The following SHQ1 variants were observed in gnomAD, a reference collection of about 807,000 sequenced individuals.
SHQ1 encodes the protein SHQ1, H/ACA ribonucleoprotein assembly factor, also known as protein SHQ1 homolog.
In SHQ1, 49 loss-of-function variants were observed where a neutral mutation model predicts 53.8. That is an observed-to-expected ratio of 0.91 (90% confidence interval 0.72 to 1.16). The LOEUF (loss-of-function observed/expected upper bound fraction) is 1.16, where lower values mean the gene tolerates loss of function less well. Ranked by LOEUF, SHQ1 falls within the 50% of genes most tolerant of loss-of-function variation. SHQ1 has a pLI of 0.00. For synonymous variants in SHQ1, 243 were observed against 251.0 expected (o/e 0.97, Z 0.30); for missense variants, 738 against 683.1 (o/e 1.08, Z -0.90).
chr3:72,782,918 G>C (rs185120478), intron 10 of SHQ1, among the ~76,000 whole-genome samples: 4 of 152,328 alleles, frequency 2.6e-5, no homozygotes, highest in Middle Eastern at 6.8e-3. Flanking sequence ...ACGTGAAGTA[G>C]AGAATACTGG....
chr3:72,773,205 A>C, intron 10 of SHQ1: 2 of 723,850 alleles, frequency 2.8e-6, no homozygotes, highest in East Asian at 5.1e-5. Flanking sequence ...CAAGTAGAAC[A>C]CTACAGAGAT....
intron 10 of SHQ1, among the ~76,000 whole-genome samples, chr3:72,778,578 AAAT>A (rs1706007258): frequency 6.6e-6 from 1 of 152,230 alleles, no homozygotes; most frequent in Non-Finnish European, 1.5e-5. Flanking sequence ...TATACACTTC[AAAT>A]ATTATTGTAT....
At chr3:72,739,842 G>A in the SHQ1 span, among the ~76,000 whole-genome samples, 1 of 152,250 alleles carries the variant, frequency 6.6e-6, no homozygotes, top group Non-Finnish European at 1.5e-5. Flanking sequence ...CCACAGTGCA[G>A]TGTAAGCTTA....
intron 8 of SHQ1, among the ~76,000 whole-genome samples, chr3:72,813,488 G>A (rs1352962889): frequency 2.8e-5 from 4 of 142,826 alleles, no homozygotes; most frequent in African/African-American, 7.9e-5. Context: ...AAAAAAGGCC[G>A]GGTGCGGTGG....
rs35278618 is a variant in SHQ1 at position 72,763,022 on chromosome 3, T to TACAC, written c.1182-12190_1182-12187dup. ...TCACCTTTATTATGCCATCTTGTTT[T>TACAC]ACACACACACACACACACACACACA... On this transcript the variant is annotated intron_variant, in intron 10 of 10. Transcript: ENST00000325599. Among the ~76,000 whole-genome samples, 548 of 132,720 alleles carry TACAC rather than the reference T, an allele frequency of 4.1e-3. 3 individuals carry two copies. Among genetic ancestry groups the TACAC allele is most frequent in the Middle Eastern group, 7.1e-3 (2 of 280 alleles). The allele number at this position is 132,720 out of a possible 152,430, so 87.1% of individuals were successfully genotyped here.
At chr3:72,806,170 GA>G (rs1706937766) in intron 9 of SHQ1, among the ~76,000 whole-genome samples, 1 of 152,192 alleles carries the variant, frequency 6.6e-6, no homozygotes, top group Non-Finnish European at 1.5e-5. Flanking sequence ...GTACTCCAAG[GA>G]AGAGACAAGA....
chr3:72,751,511 T>C lies in SHQ1; in HGVS notation c.1182-675A>G, dbSNP rs1032707755. ...GTGTGTGTGTGTGTGTGTGTGTGTATATATATATATATATATATACATATA... is the reference window on the plus strand; with the variant it reads ...GTGTGTGTGTGTGTGTGTGTGTGTACATATATATATATATATATACATATA... On this transcript the variant is annotated intron_variant, in intron 10 of 10. Coordinates refer to ENST00000325599, the MANE Select transcript of SHQ1 (RefSeq NM_018130.3). Among the ~76,000 whole-genome samples, 328 of 114,428 alleles carry C rather than the reference T, an allele frequency of 2.9e-3. 1 individual carries two copies. Among genetic ancestry groups the C allele is most frequent in the Middle Eastern group, 4.1e-3 (1 of 242 alleles). The allele number at this position is 114,428 out of a possible 152,430, so 75.1% of individuals were successfully genotyped here. A position where few individuals can be genotyped will look rare whatever the true frequency, so the allele number is the denominator to read the frequency against.
At chr3:72,747,028 C>T (rs1283240413), downstream of SHQ1, among the ~76,000 whole-genome samples, 1 of 152,164 alleles carries the variant, frequency 6.6e-6, no homozygotes, top group Non-Finnish European at 1.5e-5. Context: ...CGTAGTCACC[C>T]CAGGATCATG....
intron 9 of SHQ1, among the ~76,000 whole-genome samples, chr3:72,804,708 A>G (rs1031113112): frequency 1.3e-5 from 2 of 152,208 alleles, no homozygotes; most frequent in Non-Finnish European, 2.9e-5. Context: ...AGAAACTTTA[A>G]GTTGGGATAT....
At chr3:72,729,676 G>T in the SHQ1 span, among the ~76,000 whole-genome samples, 14 of 152,206 alleles carry the variant, frequency 9.2e-5, no homozygotes, top group African/African-American at 3.4e-4. Flanking sequence ...CCCTCACTTT[G>T]TAATAACTCC....
chr3:72,766,159 G>C (rs994149332), intron 10 of SHQ1, among the ~76,000 whole-genome samples: 3 of 152,072 alleles, frequency 2.0e-5, no homozygotes, highest in African/African-American at 7.2e-5. Context: ...CTAAACTGTG[G>C]GACCTAGCTT....
At chr3:72,737,619 C>T in the SHQ1 span, among the ~76,000 whole-genome samples, 2 of 152,178 alleles carry the variant, frequency 1.3e-5, no homozygotes, top group Admixed American at 6.5e-5. Flanking sequence ...TGTGCATCCT[C>T]CTATATACTT....
In SHQ1 at chr3:72,787,924, C is replaced by T. The variant is rs559508181; in HGVS notation, c.1181+4992G>A. Among the ~76,000 whole-genome samples, 241 of 152,330 alleles carry T rather than the reference C, an allele frequency of 1.6e-3. 1 individual carries two copies. Among genetic ancestry groups the T allele is most frequent in the African/African-American group, 5.6e-3 (233 of 41,576 alleles). On this transcript the variant is annotated intron_variant, in intron 10 of 10. Transcript: ENST00000325599. ...GCAGACGGGGTTTCGCCGTGCTGGC[C>T]GGGCTGGTCTCCAGCTCCTGACCGC... is the stretch of plus-strand genomic sequence containing the variant.
chr3:72,770,348 C>T (rs1705820638), intron 10 of SHQ1, among the ~76,000 whole-genome samples: 2 of 152,144 alleles, frequency 1.3e-5, no homozygotes, highest in Admixed American at 1.3e-4. Context: ...TACTCTTAAC[C>T]ATAATACTCT....
At chr3:72,773,228 C>T (rs528416007) in intron 10 of SHQ1, 120 of 689,248 alleles carry the variant, frequency 1.7e-4, no homozygotes, top group African/African-American at 7.3e-4. Flanking sequence ...ACATCTTCAA[C>T]GAGAGAAAGA....
intron 10 of SHQ1, among the ~76,000 whole-genome samples, chr3:72,759,481 A>G (rs1008689557): frequency 1.3e-5 from 2 of 152,204 alleles, no homozygotes; most frequent in Non-Finnish European, 2.9e-5. Context: ...ACTTGAGGTC[A>G]GGAGTTCGAG....
chr3:72,764,539 C>T (rs534909657), intron 10 of SHQ1, among the ~76,000 whole-genome samples: 4 of 152,290 alleles, frequency 2.6e-5, no homozygotes, highest in Admixed American at 2.0e-4. Flanking sequence ...TAAATGACAG[C>T]CCCTAGACTA....
At chr3:72,845,313 A>G (rs954045538) in intron 1 of SHQ1, among the ~76,000 whole-genome samples, 6 of 152,012 alleles carry the variant, frequency 3.9e-5, no homozygotes, top group Admixed American at 6.6e-5. Flanking sequence ...GAGAAACCCT[A>G]TATCTACTAA....
chr3:72,756,756 G>A (rs116037790), intron 10 of SHQ1, among the ~76,000 whole-genome samples: 5,709 of 152,274 alleles, frequency 0.037, 139 homozygotes, highest in Non-Finnish European at 0.054. Context: ...ATCCTACAAT[G>A]TAACTTAAAA....
Sources: allele counts gnomAD v4.1 joint callset (sites outside exome capture counted in the v4.1 genomes callset), GRCh38; gene constraint gnomAD v4.1.1; transcripts MANE v1.5; gene names NCBI Gene and HGNC (gene_info 2026-07-23, HGNC 2026-07-21).